Variants in PRR5L observed in about 807,000 individuals in gnomAD.
PRR5L encodes the protein proline-rich protein 5-like.
Under a neutral mutation model 36.4 loss-of-function variants are expected in PRR5L, and 21 were observed. The ratio of observed to expected loss-of-function variants is 0.58; its 90% confidence interval spans 0.41 to 0.83. The LOEUF (loss-of-function observed/expected upper bound fraction) is 0.83, where lower values mean the gene tolerates loss of function less well. Ranked by LOEUF, PRR5L falls within the 40% of genes least tolerant of loss-of-function variation. The pLI is 0.00. For synonymous variants in PRR5L, 188 were observed against 197.0 expected (o/e 0.95, Z 0.38); for missense variants, 381 against 473.3 (o/e 0.80, Z 1.81).
intron 1 of PRR5L, among the ~76,000 whole-genome samples, chr11:36,318,684 A>G (rs1286723120): frequency 8.5e-5 from 13 of 152,192 alleles, no homozygotes; most frequent in Non-Finnish European, 1.2e-4. Context: ...ATAGGATTTC[A>G]GGGGAAAGGT....
chr11:36,432,017 T>G (rs1858507439), intron 5 of PRR5L, 107 bp downstream of exon 5: 1 of 933,700 alleles, frequency 1.1e-6, no homozygotes, highest in African/African-American at 1.6e-5. Flanking sequence ...AAGCGAGTGA[T>G]TCACCCTGTC....
At chr11:36,442,093 A>G (rs1209896211) in intron 6 of PRR5L, among the ~76,000 whole-genome samples, 1 of 152,156 alleles carries the variant, frequency 6.6e-6, no homozygotes, top group African/African-American at 2.4e-5. Flanking sequence ...GGTCTTGGCT[A>G]TCAGCACCTG....
At chr11:36,304,709 G>A (rs1259052630) in intron 1 of PRR5L, among the ~76,000 whole-genome samples, 1 of 152,152 alleles carries the variant, frequency 6.6e-6, no homozygotes, top group African/African-American at 2.4e-5. Flanking sequence ...CACTTACTAA[G>A]CCATGATATA....
intron 3 of PRR5L, among the ~76,000 whole-genome samples, chr11:36,415,569 C>G (rs11033611): frequency 1.3e-5 from 2 of 152,118 alleles, no homozygotes; most frequent in Admixed American, 6.5e-5. Context: ...AAGGGTGAAA[C>G]CCTATCTCTA....
intron 1 of PRR5L, among the ~76,000 whole-genome samples, chr11:36,335,318 AC>A (rs1171340943): frequency 1.3e-5 from 2 of 151,742 alleles, no homozygotes; most frequent in Non-Finnish European, 2.9e-5. Flanking sequence ...GCCTGCCTCG[AC>A]CTCCCAAAGT....
At chr11:36,425,801 C>G (rs1280262659) in intron 4 of PRR5L, 1 of 149,148 alleles carries the variant, frequency 6.7e-6, no homozygotes, top group East Asian at 2.0e-4. Context: ...GATGGCTGGC[C>G]TTTCAAAGTC....
chr11:36,374,906 C>A (rs142498843), intron 1 of PRR5L, among the ~76,000 whole-genome samples: 10 of 152,152 alleles, frequency 6.6e-5, no homozygotes, highest in Non-Finnish European at 1.3e-4. Context: ...ATCCCTTAGA[C>A]GAGCCTCTTT....
chr11:36,384,187 T>C (rs1857417953), intron 1 of PRR5L, among the ~76,000 whole-genome samples: 1 of 152,232 alleles, frequency 6.6e-6, no homozygotes, highest in African/African-American at 2.4e-5. Flanking sequence ...CAAAATTTCC[T>C]TTCCAGTCTC....
rs150065815 is a variant in PRR5L, at chr11:36,383,490, C to T, written c.-125-17507C>T. Among the ~76,000 whole-genome samples, 25 of 152,210 alleles carry T rather than the reference C, an allele frequency of 1.6e-4. No individual in the cohort carries two copies. The East Asian group carries it at 4.8e-3, about 29-fold the overall frequency. Reference sequence around the variant, plus strand: ...AAAGAAGAAAACAAGATGATTTTCTCCAGTATTTAAAAGTTGGGAGAGTTG... The same window carrying T: ...AAAGAAGAAAACAAGATGATTTTCTTCAGTATTTAAAAGTTGGGAGAGTTG... On this transcript the variant is annotated intron_variant, in intron 1 of 8. Transcript: ENST00000530639.
chr11:36,337,325 C>G (rs909510397), intron 1 of PRR5L, among the ~76,000 whole-genome samples: 2 of 152,136 alleles, frequency 1.3e-5, no homozygotes, highest in Admixed American at 1.3e-4. Context: ...TCCGGCTTCT[C>G]CCCTCTTCTG....
At chr11:36,439,471 C>A (rs890128763) in intron 6 of PRR5L, among the ~76,000 whole-genome samples, 1 of 152,178 alleles carries the variant, frequency 6.6e-6, no homozygotes, top group Non-Finnish European at 1.5e-5. Flanking sequence ...CCTCCTCACT[C>A]CCCAATGACT....
At chr11:36,346,499 C>T (rs1229578261) in intron 1 of PRR5L, among the ~76,000 whole-genome samples, 2 of 151,906 alleles carry the variant, frequency 1.3e-5, no homozygotes, top group East Asian at 1.9e-4. Context: ...AGGAGAATGG[C>T]GTGAACCCGG....
At chr11:36,438,177 G>A (rs191563756) in intron 6 of PRR5L, among the ~76,000 whole-genome samples, 73 of 152,294 alleles carry the variant, frequency 4.8e-4, no homozygotes, top group African/African-American at 1.5e-3. Flanking sequence ...ATACCACGAT[G>A]GTCACTGCCA....
intron 3 of PRR5L, among the ~76,000 whole-genome samples, chr11:36,419,011 C>T (rs1338778520): frequency 6.6e-6 from 1 of 152,112 alleles, no homozygotes; most frequent in African/African-American, 2.4e-5. Flanking sequence ...ATTAGGATTT[C>T]CTTTGGCCAG....
intron 5 of PRR5L, among the ~76,000 whole-genome samples, chr11:36,435,594 G>A (rs1040542044): frequency 5.9e-5 from 9 of 152,212 alleles, no homozygotes; most frequent in Non-Finnish European, 8.8e-5. Context: ...ACAGAGAATG[G>A]TGACTGAAAG....
intron 1 of PRR5L, among the ~76,000 whole-genome samples, chr11:36,345,358 C>T (rs1294475204): frequency 3.3e-5 from 5 of 152,034 alleles, no homozygotes; most frequent in Admixed American, 2.6e-4. Flanking sequence ...GGGTAACCTG[C>T]CATAGGGAAC....
At chr11:36,307,609 G>A (rs546831017) in intron 1 of PRR5L, among the ~76,000 whole-genome samples, 3 of 152,264 alleles carry the variant, frequency 2.0e-5, no homozygotes, top group African/African-American at 7.2e-5. Flanking sequence ...CCCAGAAGTA[G>A]TGCATGAGGA....
At chr11:36,434,115 G>C (rs994150719) in intron 5 of PRR5L, among the ~76,000 whole-genome samples, 36 of 152,094 alleles carry the variant, frequency 2.4e-4, no homozygotes, top group Non-Finnish European at 2.9e-5. Context: ...TCAGAAATGG[G>C]GCTAGACAGG....
chr11:36,343,944 C>T (rs376245350), intron 1 of PRR5L, among the ~76,000 whole-genome samples: 205 of 150,902 alleles, frequency 1.4e-3, no homozygotes, highest in Non-Finnish European at 2.2e-3. Flanking sequence ...TGGTGGGGTG[C>T]GGTGGCTCAC....
Sources: gnomAD v4.1 joint callset for allele counts (sites outside exome capture counted in the v4.1 genomes callset) on GRCh38, gnomAD v4.1.1 for gene constraint, MANE v1.5 for transcripts, NCBI Gene and HGNC (gene_info 2026-07-23, HGNC 2026-07-21) for gene names.